Variants in RASAL2 observed in about 807,000 individuals in gnomAD.
The protein encoded by RASAL2 is RAS protein activator like 2.
Under a neutral mutation model 128.9 loss-of-function variants are expected in RASAL2, and 58 were observed. That is an observed-to-expected ratio of 0.45 (90% CI 0.36 to 0.56). RASAL2 has a LOEUF of 0.56. RASAL2 is among the 20% of genes least tolerant of loss of function. The probability of loss-of-function intolerance (pLI) is 0.00; values close to 1 mark genes in which losing one functional copy is unlikely to be tolerated. For missense variants in RASAL2, 1,360 were observed against 1,601.6 expected, an observed-to-expected ratio of 0.85 and a Z score of 2.57; for synonymous variants, 561 against 580.8, an observed-to-expected ratio of 0.97 and a Z score of 0.49.
chr1:178,417,881 A>G (rs938003025), intron 4 of RASAL2, among the ~76,000 whole-genome samples: 2 of 152,024 alleles, frequency 1.3e-5, no homozygotes, highest in East Asian at 3.9e-4. Flanking sequence ...TTAGAAATAT[A>G]TGTATGATTT....
chr1:178,272,703 G>A (rs1435922468), intron 1 of RASAL2, among the ~76,000 whole-genome samples: 4 of 152,120 alleles, frequency 2.6e-5, no homozygotes, highest in Non-Finnish European at 5.9e-5. Context: ...CAAGACAGGT[G>A]GATCACTTGA....
At chr1:178,375,438 A>T (rs1671935220) in intron 3 of RASAL2, among the ~76,000 whole-genome samples, 1 of 152,170 alleles carries the variant, frequency 6.6e-6, no homozygotes, top group African/African-American at 2.4e-5. Context: ...GTGATACTAA[A>T]GGGGAAGAGG....
chr1:178,478,491 A>C lies in RASAL2; in HGVS notation c.*5252A>C, dbSNP rs1330552805. The C allele has an allele frequency of 6.6e-6, 1 of 152,202 alleles. No homozygotes were observed. Among genetic ancestry groups the C allele is most frequent in the African/African-American group, 2.4e-5 (1 of 41,472 alleles). 9.4% of individuals were successfully genotyped at this position (152,202 alleles called of 1,614,324 possible). A position where few individuals can be genotyped will look rare whatever the true frequency, so the allele number is the denominator to read the frequency against. ...ACACCTGTGAGGAAATGACCTTCTA[A>C]ATTTGATTTTGTTTTTCATCTCCAG... is the stretch of plus-strand genomic sequence containing the variant. On this transcript the variant is annotated 3_prime_UTR_variant, in exon 18 of 18. Transcript: ENST00000367649.
At chr1:178,326,626 C>A (rs1411422288) in intron 3 of RASAL2, among the ~76,000 whole-genome samples, 2 of 152,170 alleles carry the variant, frequency 1.3e-5, no homozygotes, top group Non-Finnish European at 2.9e-5. Context: ...CTCACCACAA[C>A]CTCCGCCTCC....
In RASAL2 at chr1:178,476,297, C is replaced by G. The variant is rs936742990; in HGVS notation, c.*3058C>G. The G allele has an allele frequency of 3.3e-5, 5 of 152,178 alleles. No individual in the cohort carries two copies. Among genetic ancestry groups the G allele is most frequent in the African/African-American group, 1.2e-4 (5 of 41,436 alleles). The allele number at this position is 152,178 out of a possible 1,614,324, so 9.4% of individuals were successfully genotyped here. On this transcript the variant is annotated 3_prime_UTR_variant, in exon 18 of 18. Coordinates refer to ENST00000367649, the MANE Select transcript of RASAL2 (RefSeq NM_170692.4). Reference sequence around the variant, plus strand: ...AGGAGTCAGAAAAGAGCTTCATATTCCCCTTTTATATTACTGAAGCAATAA... The same window carrying G: ...AGGAGTCAGAAAAGAGCTTCATATTGCCCTTTTATATTACTGAAGCAATAA...
chr1:178,142,211 G>C (rs1660558509), intron 1 of RASAL2, among the ~76,000 whole-genome samples: 2 of 152,100 alleles, frequency 1.3e-5, no homozygotes, highest in Admixed American at 6.5e-5. Context: ...TTTGACTCGA[G>C]TGCGATGTAT....
intron 1 of RASAL2, among the ~76,000 whole-genome samples, chr1:178,189,334 G>A (rs1427616046): frequency 6.6e-6 from 1 of 152,160 alleles, no homozygotes; most frequent in East Asian, 1.9e-4. Context: ...AGGGTTGTAG[G>A]ACTGTGTGGT....
chr1:178,119,508 A>G (rs978914578), intron 1 of RASAL2, among the ~76,000 whole-genome samples: 2 of 152,184 alleles, frequency 1.3e-5, no homozygotes, highest in African/African-American at 4.8e-5. Context: ...TCAACATTCA[A>G]AAATGACCTC....
At chr1:178,296,137 GTGTGTGTATATATGTGTATATATA>G (rs1245922867) in intron 2 of RASAL2, among the ~76,000 whole-genome samples, 9,618 of 144,852 alleles carry the variant, frequency 0.066, 994 homozygotes, top group African/African-American at 0.24. Context: ...GTATATATAT[GTGTGTGTATATATGTGTATATATA>G]TGTGTGTGTG....
At chr1:178,269,346 C>A (rs1292721045) in intron 1 of RASAL2, among the ~76,000 whole-genome samples, 1 of 152,224 alleles carries the variant, frequency 6.6e-6, no homozygotes, top group Admixed American at 6.5e-5. Context: ...GCAGCCTGAG[C>A]AGACTAAGAC....
intron 3 of RASAL2, among the ~76,000 whole-genome samples, chr1:178,301,342 C>T (rs947332766): frequency 6.6e-6 from 1 of 152,170 alleles, no homozygotes; most frequent in Non-Finnish European, 1.5e-5. Context: ...TTATATTTCA[C>T]ATCCAAGTTC....
intron 17 of RASAL2, chr1:178,470,652 G>C (rs1648167487): frequency 7.4e-7 from 1 of 1,353,722 alleles, no homozygotes; most frequent in African/African-American, 1.5e-5. Context: ...CAGCTGCCTA[G>C]TTACTGTTGC....
At chr1:178,120,564 C>T (rs1418621325) in intron 1 of RASAL2, among the ~76,000 whole-genome samples, 2 of 152,194 alleles carry the variant, frequency 1.3e-5, no homozygotes, top group African/African-American at 4.8e-5. Context: ...TACATCAACT[C>T]ACTGTCACTA....
intron 1 of RASAL2, among the ~76,000 whole-genome samples, chr1:178,148,448 A>G (rs1302497496): frequency 1.3e-5 from 2 of 151,686 alleles, no homozygotes; most frequent in Non-Finnish European, 2.9e-5. Context: ...TTATTTATTT[A>G]TTTATTTATT....
chr1:178,237,764 T>C (rs1328444819), intron 1 of RASAL2, among the ~76,000 whole-genome samples: 3 of 152,212 alleles, frequency 2.0e-5, no homozygotes, highest in Non-Finnish European at 4.4e-5. Context: ...TTTTTAGGTG[T>C]ACAGTTCAGT....
Position 178,250,703 on chromosome 1 carries a change from G to T in RASAL2, c.203-32861G>T, listed in dbSNP as rs142341260. The stretch of plus-strand genomic sequence containing the variant: ...CTGTTCCTATTAGGTCATCTTGCCA[G>T]ATCCAGAAAACCTTATTTCTTTATA... On this transcript the variant is annotated intron_variant, in intron 1 of 17. Coordinates refer to ENST00000367649, the MANE Select transcript of RASAL2 (RefSeq NM_170692.4). Among the ~76,000 whole-genome samples, 165 of 152,350 alleles carry T rather than the reference G, an allele frequency of 1.1e-3. 1 individual carries two copies. The highest frequency in any genetic ancestry group is 3.7e-3 in the African/African-American group (154 of 41,592).
intron 3 of RASAL2, among the ~76,000 whole-genome samples, chr1:178,374,743 G>T (rs1671898191): frequency 6.6e-6 from 1 of 152,096 alleles, no homozygotes; most frequent in Non-Finnish European, 1.5e-5. Context: ...CAACCAAATT[G>T]ATTTACTTCC....
In RASAL2 at chr1:178,288,614, T is replaced by G. The variant is rs190705749; in HGVS notation, c.330+4923T>G. On this transcript the variant is annotated intron_variant, in intron 2 of 17. Coordinates refer to ENST00000367649, the MANE Select transcript of RASAL2 (RefSeq NM_170692.4). ...AGTTTTTTGCTTTCTATCAGATCAT[T>G]CCCATCAGCATGCTATTCTTTCTCT... Among the ~76,000 whole-genome samples, 483 of 150,950 alleles carry G rather than the reference T, an allele frequency of 3.2e-3. 1 individual carries two copies. Among genetic ancestry groups the G allele is most frequent in the Middle Eastern group, 0.014 (4 of 290 alleles).
Position 178,453,026 on chromosome 1 carries a change from A to G in RASAL2, c.2009+374A>G, listed in dbSNP as rs538064442. Among the ~76,000 whole-genome samples, 3 of 152,298 alleles carry G rather than the reference A, an allele frequency of 2.0e-5. No homozygotes were observed. The South Asian group carries it at 6.2e-4, about 32-fold the overall frequency. ...AATATGAAAACACAAAAATCTAAGT[A>G]TAAAAAAAGTTGGGAAGAAAAGACA... is the stretch of plus-strand genomic sequence containing the variant. On this transcript the variant is annotated intron_variant, in intron 11 of 17. Transcript: ENST00000367649.
Sources: gnomAD v4.1 joint callset for allele counts (sites outside exome capture counted in the v4.1 genomes callset) on GRCh38, gnomAD v4.1.1 for gene constraint, MANE v1.5 for transcripts, NCBI Gene and HGNC (gene_info 2026-07-23, HGNC 2026-07-21) for gene names.